Variants in COLEC10 observed in about 807,000 individuals in gnomAD.
The protein encoded by COLEC10 is collectin-10.
In COLEC10, 22 loss-of-function variants were observed where a neutral mutation model predicts 28.4. The observed-to-expected ratio is 0.78, with a 90% confidence interval of 0.55 to 1.11. The LOEUF (loss-of-function observed/expected upper bound fraction) is 1.11. COLEC10 is among the 50% of genes least tolerant of loss of function. The pLI is 0.00. For missense variants in COLEC10, 361 were observed against 344.1 expected, an observed-to-expected ratio of 1.05 and a Z score of -0.39; for synonymous variants, 125 against 116.1, an observed-to-expected ratio of 1.08 and a Z score of -0.49.
At chr8:119,090,879 A>G (rs971879235) in intron 2 of COLEC10, among the ~76,000 whole-genome samples, 6 of 152,234 alleles carry the variant, frequency 3.9e-5, no homozygotes, top group Non-Finnish European at 7.3e-5. Flanking sequence ...TCTTTTAAAC[A>G]TCCTCTGCCA....
intron 1 of COLEC10, among the ~76,000 whole-genome samples, chr8:119,003,663 G>A (rs1458726309): frequency 6.6e-6 from 1 of 151,936 alleles, no homozygotes; most frequent in Non-Finnish European, 1.5e-5. Flanking sequence ...AATTATGAAA[G>A]GATTACAAGC....
At chr8:119,024,028 G>A (rs1314277354) in intron 2 of COLEC10, among the ~76,000 whole-genome samples, 6 of 152,148 alleles carry the variant, frequency 3.9e-5, no homozygotes, top group Admixed American at 3.9e-4. Flanking sequence ...ATAAGGGCTG[G>A]GAGGTAAAGA....
intron 2 of COLEC10, among the ~76,000 whole-genome samples, chr8:119,012,545 T>C (rs1390197976): frequency 6.6e-6 from 1 of 150,606 alleles, no homozygotes; most frequent in Non-Finnish European, 1.5e-5. Context: ...AGAATTTTGG[T>C]ATTATTTCTT....
the COLEC10 span, among the ~76,000 whole-genome samples, chr8:118,988,673 C>T: frequency 7.2e-5 from 11 of 152,152 alleles, no homozygotes; most frequent in African/African-American, 2.7e-4. Flanking sequence ...ACCTTACCAT[C>T]ACACTGACAA....
chr8:119,085,599 C>CTTTTTTTTTTTTTTTTTTTTTTT (rs66829005), intron 1 of COLEC10, among the ~76,000 whole-genome samples: 20 of 63,558 alleles, frequency 3.1e-4, no homozygotes, highest in East Asian at 1.2e-3. Flanking sequence ...TCTTCTTCTT[C>CTTTTTTTTTTTTTTTTTTTTTTT]TTTTTTTTTT....
At chr8:119,038,354 T>A (rs1371383247) in intron 2 of COLEC10, among the ~76,000 whole-genome samples, 1 of 152,224 alleles carries the variant, frequency 6.6e-6, no homozygotes, top group East Asian at 1.9e-4. Context: ...CTTAAGAATA[T>A]CAAAAATTGC....
the COLEC10 span, among the ~76,000 whole-genome samples, chr8:118,972,243 G>T: frequency 6.6e-6 from 1 of 151,898 alleles, no homozygotes; most frequent in Non-Finnish European, 1.5e-5. Flanking sequence ...CACCAGCCCA[G>T]GTCTCTAGAA....
At chr8:119,060,230 G>A (rs565840381) in intron 2 of COLEC10, among the ~76,000 whole-genome samples, 2 of 152,210 alleles carry the variant, frequency 1.3e-5, no homozygotes, top group East Asian at 3.9e-4. Flanking sequence ...ACCAAAAAGT[G>A]TTTTGGAAGC....
chr8:118,991,490 G>A (rs1315968584), upstream of COLEC10, among the ~76,000 whole-genome samples: 1 of 152,170 alleles, frequency 6.6e-6, no homozygotes, highest in African/African-American at 2.4e-5. Context: ...GAAACCTACA[G>A]AGGGAAAGTA....
At chr8:118,963,756 A>G in the COLEC10 span, among the ~76,000 whole-genome samples, 1 of 152,170 alleles carries the variant, frequency 6.6e-6, no homozygotes, top group African/African-American at 2.4e-5. Context: ...TCCACAGAGT[A>G]TAAGCTCCAA....
chr8:119,063,742 A>AG (rs1193405833), upstream of COLEC10, among the ~76,000 whole-genome samples: 1 of 151,886 alleles, frequency 6.6e-6, no homozygotes, highest in Admixed American at 6.6e-5. Context: ...AAAAAAAAAA[A>AG]AGAAAAGAGT....
chr8:119,042,261 G>T (rs921837005), intron 2 of COLEC10, among the ~76,000 whole-genome samples: 1 of 152,104 alleles, frequency 6.6e-6, no homozygotes, highest in Non-Finnish European at 1.5e-5. Flanking sequence ...GCCTCCCAAA[G>T]TGCTGGGATT....
intron 2 of COLEC10, among the ~76,000 whole-genome samples, chr8:119,021,005 G>C (rs1814080524): frequency 6.6e-6 from 1 of 152,076 alleles, no homozygotes; most frequent in Non-Finnish European, 1.5e-5. Context: ...CAACATTATA[G>C]ATGATATATG....
At chr8:119,067,228 A>C, upstream of COLEC10, 1 of 1,585,678 alleles carries the variant, frequency 6.3e-7, no homozygotes. Context: ...TTTATTTAAA[A>C]TAAAGCTGTT....
intron 2 of COLEC10, among the ~76,000 whole-genome samples, chr8:119,045,648 A>C (rs894090921): frequency 6.6e-6 from 1 of 152,248 alleles, no homozygotes; most frequent in Non-Finnish European, 1.5e-5. Flanking sequence ...TTCTACTTAT[A>C]GAGAATGTTT....
chr8:119,063,412 G>A (rs980224890), upstream of COLEC10, among the ~76,000 whole-genome samples: 2 of 152,186 alleles, frequency 1.3e-5, no homozygotes, highest in African/African-American at 2.4e-5. Context: ...AGGCTGTAGG[G>A]GAGAAGCACT....
At chr8:118,966,302 A>G in the COLEC10 span, among the ~76,000 whole-genome samples, 1 of 152,196 alleles carries the variant, frequency 6.6e-6, no homozygotes, top group Non-Finnish European at 1.5e-5. Flanking sequence ...TATACAAACC[A>G]GACATTAACA....
upstream of COLEC10, among the ~76,000 whole-genome samples, chr8:119,063,832 G>A (rs1385494): frequency 6.6e-6 from 1 of 151,898 alleles, no homozygotes; most frequent in Non-Finnish European, 1.5e-5. Context: ...GCTAAGCCTG[G>A]AATTCCAATA....
chr8:119,035,671 T>C (rs1328434429), intron 2 of COLEC10, among the ~76,000 whole-genome samples: 5 of 152,224 alleles, frequency 3.3e-5, no homozygotes, highest in African/African-American at 1.2e-4. Flanking sequence ...AGGAGTGGCC[T>C]TCCTTTAAAC....
Sources: allele counts gnomAD v4.1 joint callset (sites outside exome capture counted in the v4.1 genomes callset), GRCh38; gene constraint gnomAD v4.1.1; transcripts MANE v1.5; gene names NCBI Gene and HGNC (gene_info 2026-07-23, HGNC 2026-07-21).